Variants in ATG7 observed in about 807,000 individuals in gnomAD.
ATG7 encodes autophagy related 7.
In ATG7, 70 loss-of-function variants were observed where a neutral mutation model predicts 82.4. The ratio of observed to expected loss-of-function variants is 0.85; its 90% CI spans 0.70 to 1.04. ATG7 has a LOEUF of 1.04. ATG7 is among the 50% of genes least tolerant of loss of function. The probability of loss-of-function intolerance (pLI) is 0.00; values close to 1 mark genes in which losing one functional copy is unlikely to be tolerated. For missense variants in ATG7, 792 were observed against 864.3 expected (o/e 0.92, Z 1.05); for synonymous variants, 287 against 313.0 (o/e 0.92, Z 0.88).
chr3:11,492,118 C>G (rs896406172), intron 20 of ATG7, among the ~76,000 whole-genome samples: 2 of 152,208 alleles, frequency 1.3e-5, no homozygotes, highest in African/African-American at 2.4e-5. Flanking sequence ...AGTGAGACTC[C>G]GTGGTCATAG....
intron 18 of ATG7, among the ~76,000 whole-genome samples, chr3:11,367,987 A>G (rs980301150): frequency 6.6e-6 from 1 of 152,058 alleles, no homozygotes; most frequent in African/African-American, 2.4e-5. Flanking sequence ...CAAAGTAACT[A>G]TCAAGCACCT....
intron 20 of ATG7, among the ~76,000 whole-genome samples, chr3:11,441,069 G>C (rs1207761643): frequency 1.3e-5 from 2 of 152,090 alleles, no homozygotes; most frequent in African/African-American, 4.8e-5. Flanking sequence ...GGACAAAGTT[G>C]TTGAGTTTCT....
intron 20 of ATG7, among the ~76,000 whole-genome samples, chr3:11,501,568 A>G (rs898698489): frequency 1.1e-4 from 7 of 62,980 alleles, no homozygotes; most frequent in Non-Finnish European, 2.0e-4. Flanking sequence ...TGATAATGTT[A>G]TTATGGTTGT....
chr3:11,412,562 T>C (rs2081013060), intron 19 of ATG7, among the ~76,000 whole-genome samples: 1 of 152,218 alleles, frequency 6.6e-6, no homozygotes, highest in Non-Finnish European at 1.5e-5. Flanking sequence ...AGCTTTGTAC[T>C]ATAGTAAATT....
intron 20 of ATG7, among the ~76,000 whole-genome samples, chr3:11,541,617 C>A (rs1390462059): frequency 6.6e-6 from 1 of 152,164 alleles, no homozygotes; most frequent in East Asian, 1.9e-4. Flanking sequence ...TTTGAAGGTG[C>A]AAGATGTCCC....
At chr3:11,515,324 G>C (rs2092242215) in intron 20 of ATG7, among the ~76,000 whole-genome samples, 3 of 79,748 alleles carry the variant, frequency 3.8e-5, no homozygotes, top group Admixed American at 1.4e-4. Flanking sequence ...GTATTTTTGA[G>C]ACAGAGTCTC....
the ATG7 span, chr3:11,568,496 G>A: frequency 1.3e-3 from 1,860 of 1,447,262 alleles, 25 homozygotes; most frequent in Admixed American, 0.021. The surrounding 1 kb of genome is among the most constrained non-coding windows in gnomAD (Gnocchi z 5.9). Flanking sequence ...AAGACAGTCC[G>A]TGGAACACAG....
intron 3 of ATG7, among the ~76,000 whole-genome samples, chr3:11,296,121 T>C (rs1317010823): frequency 6.6e-6 from 1 of 152,216 alleles, no homozygotes; most frequent in East Asian, 1.9e-4. Context: ...GGACATTCTC[T>C]AGGACTTTGT....
chr3:11,373,402 A>G (rs934077114), intron 18 of ATG7, among the ~76,000 whole-genome samples: 2 of 152,222 alleles, frequency 1.3e-5, no homozygotes, highest in Non-Finnish European at 2.9e-5. Context: ...TGAGTGGTAC[A>G]GAGCAAACCA....
At chr3:11,456,679 A>C (rs1341827188) in intron 20 of ATG7, among the ~76,000 whole-genome samples, 1 of 152,130 alleles carries the variant, frequency 6.6e-6, no homozygotes, top group Non-Finnish European at 1.5e-5. Context: ...TCCCCCCACT[A>C]CCGACCACTG....
At position 11,364,509 on chromosome 3, in the gene ATG7, C is replaced by T. The variant is rs372000482; in HGVS notation, c.1800-150C>T. 8 of 767,902 alleles carry T rather than the reference C, an allele frequency of 1.0e-5. No individual in the cohort carries two copies. The African/African-American group carries it at 1.2e-4, about 12-fold the overall frequency. The allele number at this position is 767,902 out of a possible 1,614,324, so 47.6% of individuals were successfully genotyped here. ...TTAAATTACTCTTCTTGCCCTTTGT[C>T]CCAGGGAAATTAGTTTTTTGCTAAC... On this transcript the variant is annotated intron_variant, in intron 17 of 20. Coordinates refer to ENST00000693202, the MANE Select transcript of ATG7 (RefSeq NM_001349232.2).
chr3:11,440,787 T>C (rs1290483257), intron 20 of ATG7, among the ~76,000 whole-genome samples: 1 of 140,522 alleles, frequency 7.1e-6, no homozygotes, highest in South Asian at 2.4e-4. Flanking sequence ...GGGTTTAAGC[T>C]ATTCTCCTGC....
intron 11 of ATG7, among the ~76,000 whole-genome samples, chr3:11,335,399 C>CA (rs1220317643): frequency 6.6e-6 from 1 of 151,904 alleles, no homozygotes; most frequent in Non-Finnish European, 1.5e-5. Context: ...AAAACAAATG[C>CA]AAAAAAACTC....
chr3:11,364,171 C>T (rs1437373184), intron 17 of ATG7, among the ~76,000 whole-genome samples: 2 of 152,192 alleles, frequency 1.3e-5, no homozygotes, highest in African/African-American at 4.8e-5. Context: ...TCATTCTTCA[C>T]TTTTATTTCT....
At chr3:11,356,438 A>G (rs1021222547) in intron 14 of ATG7, among the ~76,000 whole-genome samples, 23 of 152,218 alleles carry the variant, frequency 1.5e-4, no homozygotes, top group African/African-American at 5.3e-4. Context: ...TGGTTCTGAT[A>G]TACAGCCAAG....
intron 20 of ATG7, among the ~76,000 whole-genome samples, chr3:11,465,000 A>G (rs2086681813): frequency 6.6e-6 from 1 of 152,134 alleles, no homozygotes; most frequent in South Asian, 2.1e-4. Context: ...GTCATCAACA[A>G]TCACAGCCTT....
intron 20 of ATG7, among the ~76,000 whole-genome samples, chr3:11,447,237 G>A (rs971659683): frequency 6.6e-5 from 10 of 152,160 alleles, no homozygotes; most frequent in African/African-American, 1.4e-4. Context: ...AGGCTGAGGC[G>A]GGTGGATCAT....
downstream of ATG7, among the ~76,000 whole-genome samples, chr3:11,562,048 C>T (rs144631530): frequency 0.048 from 7,234 of 152,072 alleles, 461 homozygotes; most frequent in African/African-American, 0.15. Context: ...CAGGCACCCA[C>T]CACCACGCCT....
chr3:11,377,881 G>A (rs1225088773), intron 18 of ATG7, among the ~76,000 whole-genome samples: 3 of 151,916 alleles, frequency 2.0e-5, no homozygotes, highest in East Asian at 3.8e-4. Context: ...CTATTTTGAC[G>A]TCCTGAATAG....
Sources: allele counts gnomAD v4.1 joint callset (sites outside exome capture counted in the v4.1 genomes callset), GRCh38; gene constraint gnomAD v4.1.1; non-coding constraint Gnocchi (gnomAD v3.1); transcripts MANE v1.5; gene names NCBI Gene and HGNC (gene_info 2026-07-23, HGNC 2026-07-21).